The following FIG4 variants were observed in gnomAD, a reference collection of about 807,000 sequenced individuals.
FIG4 encodes the protein polyphosphoinositide phosphatase.
In FIG4, 112 loss-of-function variants were observed where a neutral mutation model predicts 118.6. The observed-to-expected ratio is 0.94, with a 90% CI of 0.81 to 1.11. The LOEUF (loss-of-function observed/expected upper bound fraction) is 1.11. Ranked by LOEUF, FIG4 falls within the 50% of genes least tolerant of loss-of-function variation. FIG4 has a pLI of 0.00. For synonymous variants in FIG4, 369 were observed against 381.2 expected (o/e 0.97, Z 0.37); for missense variants, 969 against 1,111.7 (o/e 0.87, Z 1.83).
At chr6:109,744,725 T>C (rs1365843751) in intron 10 of FIG4, among the ~76,000 whole-genome samples, 1 of 152,124 alleles carries the variant, frequency 6.6e-6, no homozygotes, top group East Asian at 1.9e-4. Flanking sequence ...AGTGCTGTGA[T>C]GGTTTGCTGC....
intron 10 of FIG4, among the ~76,000 whole-genome samples, chr6:109,755,382 G>A (rs1776855368): frequency 6.6e-6 from 1 of 152,208 alleles, no homozygotes; most frequent in Non-Finnish European, 1.5e-5. Flanking sequence ...TGGAATAGGT[G>A]TGGTGTGGTG....
chr6:109,803,296 G>C (rs1365107956), intron 22 of FIG4, among the ~76,000 whole-genome samples: 1 of 152,228 alleles, frequency 6.6e-6, no homozygotes, highest in Admixed American at 6.5e-5. Flanking sequence ...GGAGTCTGCT[G>C]TTGGCAGTTG....
intron 22 of FIG4, among the ~76,000 whole-genome samples, chr6:109,810,892 G>T (rs1196424892): frequency 2.0e-5 from 3 of 152,184 alleles, no homozygotes; most frequent in African/African-American, 7.2e-5. Flanking sequence ...ATCAGAAAGA[G>T]TATGAGGCAG....
intron 1 of FIG4, among the ~76,000 whole-genome samples, chr6:109,699,576 C>T (rs1423586495): frequency 2.0e-5 from 3 of 149,608 alleles, no homozygotes; most frequent in Non-Finnish European, 4.4e-5. Context: ...GATCTCGGCT[C>T]ACTGCAGCCT....
At chr6:109,778,940 T>G (rs180671442) in intron 16 of FIG4, among the ~76,000 whole-genome samples, 6 of 152,318 alleles carry the variant, frequency 3.9e-5, no homozygotes, top group Admixed American at 3.9e-4. Context: ...TCAGGAATAT[T>G]TAAAATATTT....
rs184430835 is a variant in FIG4, at chr6:109,699,499, T to G, written c.66+7998T>G. Among the ~76,000 whole-genome samples the G allele has an allele frequency of 4.5e-3, 655 of 146,724 alleles. 2 individuals carry two copies. The highest frequency in any genetic ancestry group is 0.021 in the Middle Eastern group (6 of 284). On this transcript the variant is annotated intron_variant, in intron 1 of 22. Coordinates refer to ENST00000230124, the MANE Select transcript of FIG4 (RefSeq NM_014845.6). ...CTCATACGCGGTTTTTTTTTGTTTG[T>G]TTTTTTTTTGTTTTTTTTTTTGAGA...
chr6:109,777,501 A>G (rs536612705), intron 16 of FIG4, among the ~76,000 whole-genome samples: 1 of 152,248 alleles, frequency 6.6e-6, no homozygotes, highest in Non-Finnish European at 1.5e-5. Context: ...TGTTTCCTAC[A>G]AACTTGAAAC....
intron 1 of FIG4, among the ~76,000 whole-genome samples, chr6:109,714,101 C>A (rs1287880562): frequency 6.6e-6 from 1 of 152,226 alleles, no homozygotes; most frequent in Non-Finnish European, 1.5e-5. Flanking sequence ...GTTGCCCCTA[C>A]CACTTCTCTG....
rs906590419 is a variant in FIG4, at chr6:109,775,201, A to G, written c.1751-1721A>G. ...CCTTGTTCATATCCAGAGTACCACC[A>G]TCTTCCTGGAGGTGATTGTTTTATT... On this transcript the variant is annotated intron_variant, in intron 15 of 22. Coordinates refer to ENST00000230124, the MANE Select transcript of FIG4 (RefSeq NM_014845.6). 2.1e-4 allele frequency among the ~76,000 whole-genome samples: 32 copies of G among 152,156 alleles called. 1 individual carries two copies. Among genetic ancestry groups the G allele is most frequent in the African/African-American group, 7.2e-5 (3 of 41,444 alleles).
At chr6:109,756,184 C>T (rs1158782104) in intron 10 of FIG4, among the ~76,000 whole-genome samples, 17 of 152,120 alleles carry the variant, frequency 1.1e-4, no homozygotes, top group Admixed American at 5.9e-4. Flanking sequence ...TTTATTTCTC[C>T]TTTACTTATG....
chr6:109,710,005 G>A (rs1357153386), intron 1 of FIG4, among the ~76,000 whole-genome samples: 1 of 152,200 alleles, frequency 6.6e-6, no homozygotes, highest in Non-Finnish European at 1.5e-5. Context: ...TATTGAATAG[G>A]AGTGTTGAGA....
chr6:109,758,739 A>C (rs1777002174), intron 10 of FIG4, among the ~76,000 whole-genome samples: 1 of 152,210 alleles, frequency 6.6e-6, no homozygotes, highest in South Asian at 2.1e-4. Context: ...CAGAATCTAC[A>C]AGGAACTTAA....
intron 6 of FIG4, among the ~76,000 whole-genome samples, chr6:109,737,953 A>G (rs573282419): frequency 2.4e-3 from 361 of 152,284 alleles, no homozygotes; most frequent in African/African-American, 8.5e-3. Context: ...AGTTGGATCC[A>G]GGAACTTTGA....
At chr6:109,780,425 C>T (rs568239454) in intron 16 of FIG4, among the ~76,000 whole-genome samples, 26 of 152,244 alleles carry the variant, frequency 1.7e-4, no homozygotes, top group African/African-American at 6.3e-4. Flanking sequence ...GTTGCCCAGG[C>T]TGGCCTCCAA....
chr6:109,698,704 G>A (rs1168863397), intron 1 of FIG4, among the ~76,000 whole-genome samples: 1 of 152,194 alleles, frequency 6.6e-6, no homozygotes, highest in Non-Finnish European at 1.5e-5. Context: ...TAAAAAAATT[G>A]TGAGTGGATG....
chr6:109,727,334 G>A, intron 4 of FIG4, 69 bp downstream of exon 4: 2 of 1,287,240 alleles, frequency 1.6e-6, no homozygotes, highest in Non-Finnish European at 2.3e-6. Context: ...AGGCTGGAAG[G>A]CTGGAATATA....
rs765120931 is a variant in FIG4, at chr6:109,766,860, A to G, written c.1715A>G (p.Gln572Arg). The G allele has an allele frequency of 3.7e-6, 6 of 1,614,136 alleles. No homozygotes were observed. In the South Asian group the frequency reaches 5.5e-5, roughly 15 times the overall value. The stretch of plus-strand genomic sequence containing the variant: ...ACCCAGCACTCCAAAGACATCATGC[A>G]AACCCTGTCTAGATATTACAGCAAT... ...PWTQHSKDIM[Q>R]TLSRYYSNAF... The change falls in exon 15 of 23, where the codon CAA becomes CGA. Residue 572 changes from glutamine (Q) to arginine (R), a missense_variant. Coordinates refer to ENST00000230124, the MANE Select transcript of FIG4 (RefSeq NM_014845.6).
chr6:109,795,077 A>G (rs1277612203), intron 21 of FIG4, among the ~76,000 whole-genome samples: 3 of 138,346 alleles, frequency 2.2e-5, no homozygotes, highest in African/African-American at 8.1e-5. Flanking sequence ...ACTTCCTCAA[A>G]GCTTCATACA....
At chr6:109,812,768 A>G (rs1296494323) in intron 22 of FIG4, among the ~76,000 whole-genome samples, 7 of 152,162 alleles carry the variant, frequency 4.6e-5, no homozygotes, top group African/African-American at 1.2e-4. Context: ...AAATGTTACT[A>G]TAAAGGGGTG....
Sources: gnomAD v4.1 joint callset for allele counts (sites outside exome capture counted in the v4.1 genomes callset) on GRCh38, gnomAD v4.1.1 for gene constraint, MANE v1.5 for transcripts, NCBI Gene and HGNC (gene_info 2026-07-23, HGNC 2026-07-21) for gene names.